The following CCDC148 variants were observed in gnomAD, a reference collection of about 807,000 sequenced individuals.
CCDC148 encodes the protein coiled-coil domain-containing protein 148.
A neutral mutation model predicts 85.7 loss-of-function variants in CCDC148; 89 were observed. The ratio of observed to expected loss-of-function variants is 1.04; its 90% CI spans 0.87 to 1.24. The LOEUF is 1.24. CCDC148 is among the 50% of genes most tolerant of loss of function. The pLI, the probability that CCDC148 is intolerant of heterozygous loss-of-function variation, is 0.00. For synonymous variants in CCDC148, 230 were observed against 213.9 expected (o/e 1.08, Z -0.66); for missense variants, 692 against 671.7 (o/e 1.03, Z -0.33).
intron 11 of CCDC148, among the ~76,000 whole-genome samples, chr2:158,215,543 C>CT (rs529024730): frequency 2.3e-4 from 34 of 144,884 alleles, no homozygotes; most frequent in East Asian, 8.1e-4. Flanking sequence ...TCTTTTTTTT[C>CT]TTTTTTTTTT....
At chr2:158,391,865 T>C (rs1685323237) in intron 1 of CCDC148, among the ~76,000 whole-genome samples, 1 of 152,036 alleles carries the variant, frequency 6.6e-6, no homozygotes, top group Non-Finnish European at 1.5e-5. Context: ...AAAGGTTCCT[T>C]GGTAACAGGG....
At chr2:158,312,372 AAG>A (rs140093821) in intron 8 of CCDC148, among the ~76,000 whole-genome samples, 10,792 of 152,220 alleles carry the variant, frequency 0.071, 532 homozygotes, top group South Asian at 0.11. Flanking sequence ...TCAGGAGGTC[AAG>A]AGATCGAGAC....
intron 2 of CCDC148, among the ~76,000 whole-genome samples, chr2:158,357,492 T>C (rs13391225): frequency 0.18 from 27,017 of 152,088 alleles, 3,952 homozygotes; most frequent in African/African-American, 0.4. Context: ...TGTTTACATA[T>C]ATGTGTACAA....
intron 1 of CCDC148, among the ~76,000 whole-genome samples, chr2:158,417,384 C>A (rs1323776180): frequency 6.6e-6 from 1 of 152,196 alleles, no homozygotes; most frequent in African/African-American, 2.4e-5. Flanking sequence ...GATGGACAGC[C>A]CCAGCTACTA....
intron 1 of CCDC148, among the ~76,000 whole-genome samples, chr2:158,450,340 C>G (rs957053550): frequency 3.9e-5 from 6 of 152,222 alleles, no homozygotes; most frequent in Admixed American, 1.3e-4. Flanking sequence ...TTTACAACAG[C>G]CCTCTACTGT....
intron 2 of CCDC148, among the ~76,000 whole-genome samples, chr2:158,350,868 G>C (rs1157604474): frequency 6.6e-6 from 1 of 152,028 alleles, no homozygotes; most frequent in Non-Finnish European, 1.5e-5. Flanking sequence ...CCATCGTCGT[G>C]TGCATTTATC....
chr2:158,428,693 TTAAAC>T (rs1434566484), intron 1 of CCDC148, among the ~76,000 whole-genome samples: 7 of 150,714 alleles, frequency 4.6e-5, no homozygotes, highest in Admixed American at 6.6e-5. Flanking sequence ...TGGTGGGACT[TTAAAC>T]TAGTTCAACC....
In CCDC148 at chr2:158,250,766, T is replaced by C; in HGVS notation, c.1251+6A>G. 6.5e-7 allele frequency: 1 copy of C among 1,539,190 alleles called. No homozygotes were observed. The highest frequency in any genetic ancestry group is 1.2e-5 in the South Asian group (1 of 82,310). ...CACACATTCGTATTGACAATAGATT[T>C]TTTACTTTTTTTTTCTTCTCTGCTC... On this transcript the variant is annotated splice_donor_region_variant and intron_variant, in intron 10 of 13. Transcript: ENST00000283233.
intron 3 of CCDC148, among the ~76,000 whole-genome samples, chr2:158,343,031 T>C (rs1311713792): frequency 6.6e-6 from 1 of 152,176 alleles, no homozygotes; most frequent in African/African-American, 2.4e-5. Flanking sequence ...TTTTTAGACA[T>C]GGGGTCTCAC....
rs1559124685 is a variant in CCDC148 at position 158,406,629 on chromosome 2, T to TTTTTGTTTTTGTTTTTG, written c.26-48060_26-48059insCAAAAACAAAAACAAAA. Among the ~76,000 whole-genome samples the TTTTTGTTTTTGTTTTTG allele has an allele frequency of 3.4e-5, 4 of 117,510 alleles. 1 individual carries two copies. The highest frequency in any genetic ancestry group is 2.7e-4 in the South Asian group (1 of 3,706). The allele number at this position is 117,510 out of a possible 152,430, so 77.1% of individuals were successfully genotyped here. ...ATTAAATTTCTTTTTTTTTTTTTTT[T>TTTTTGTTTTTGTTTTTG]TTTTTTTTTTTGAGACAGTGTCTCC... On this transcript the variant is annotated intron_variant, in intron 1 of 13. Transcript: ENST00000283233.
chr2:158,228,111 G>GA lies in CCDC148; in HGVS notation c.1252-7399dup, dbSNP rs1435566196. Among the ~76,000 whole-genome samples, 26 of 151,972 alleles carry GA rather than the reference G, an allele frequency of 1.7e-4. No homozygotes were observed. In the South Asian group the frequency reaches 2.5e-3, roughly 15 times the overall value. ...ACAATGAACTCCAACAAATTTACAA[G>GA]AAAAAAACAAACAACCCCATCAAAA... On this transcript the variant is annotated intron_variant, in intron 10 of 13. Transcript: ENST00000283233.
chr2:158,276,959 T>C (rs1689977611), intron 9 of CCDC148, among the ~76,000 whole-genome samples: 1 of 152,232 alleles, frequency 6.6e-6, no homozygotes, highest in Admixed American at 6.5e-5. Context: ...ACTAGAAATT[T>C]ACTAAAAGAT....
At chr2:158,302,122 G>A (rs1342538890) in intron 9 of CCDC148, among the ~76,000 whole-genome samples, 1 of 152,130 alleles carries the variant, frequency 6.6e-6, no homozygotes, top group Admixed American at 6.5e-5. Flanking sequence ...TTAGGGAGAA[G>A]GACCGAACTT....
intron 11 of CCDC148, among the ~76,000 whole-genome samples, chr2:158,186,994 G>A (rs1161946429): frequency 6.6e-6 from 1 of 151,896 alleles, no homozygotes; most frequent in African/African-American, 2.4e-5. Context: ...AAATTATTAT[G>A]TACTAATGAA....
At chr2:158,435,593 C>A (rs1438466748) in intron 1 of CCDC148, among the ~76,000 whole-genome samples, 1 of 152,176 alleles carries the variant, frequency 6.6e-6, no homozygotes, top group Non-Finnish European at 1.5e-5. Context: ...AACCAGCTAA[C>A]ATCATAATGA....
At chr2:158,172,348 G>C in intron 13 of CCDC148, 89 bp from the exon 14 acceptor site, 4 of 997,758 alleles carry the variant, frequency 4.0e-6, no homozygotes, top group Non-Finnish European at 6.0e-6. Context: ...AAACTAATTT[G>C]TTTTTACTGG....
chr2:158,229,624 T>G (rs1282072645), intron 10 of CCDC148, among the ~76,000 whole-genome samples: 2 of 152,170 alleles, frequency 1.3e-5, no homozygotes, highest in African/African-American at 4.8e-5. Flanking sequence ...CTACAAGATA[T>G]CTTTCTCATT....
intron 1 of CCDC148, among the ~76,000 whole-genome samples, chr2:158,432,522 C>A (rs1350266977): frequency 2.0e-5 from 3 of 152,246 alleles, no homozygotes; most frequent in Middle Eastern, 3.4e-3. Flanking sequence ...CTAAATGACA[C>A]AAATAGCCAA....
chr2:158,202,184 A>AT (rs1270962690), intron 11 of CCDC148, among the ~76,000 whole-genome samples: 1 of 152,190 alleles, frequency 6.6e-6, no homozygotes, highest in Non-Finnish European at 1.5e-5. Context: ...TTCCATATGA[A>AT]TTTTTTAAAG....
Sources: gnomAD v4.1 joint callset for allele counts (sites outside exome capture counted in the v4.1 genomes callset) on GRCh38, gnomAD v4.1.1 for gene constraint, MANE v1.5 for transcripts, NCBI Gene and HGNC (gene_info 2026-07-23, HGNC 2026-07-21) for gene names.